The following XKR6 variants were observed in gnomAD, a reference collection of about 807,000 sequenced individuals.
The protein encoded by XKR6 is XK-related protein 6.
A neutral mutation model predicts 56.7 loss-of-function variants in XKR6; 22 were observed. The ratio of observed to expected loss-of-function variants is 0.39; its 90% confidence interval spans 0.28 to 0.55. The LOEUF (loss-of-function observed/expected upper bound fraction) is 0.55, where lower values mean the gene tolerates loss of function less well. Among genes scored for constraint, XKR6 ranks in the 20% least tolerant of loss-of-function variants. The pLI is 0.66. For missense variants in XKR6, 852 were observed against 889.0 expected (o/e 0.96, Z 0.53); for synonymous variants, 524 against 387.8 (o/e 1.35, Z -4.13).
At chr8:11,186,686 A>G (rs1803292963) in intron 1 of XKR6, among the ~76,000 whole-genome samples, 2 of 152,154 alleles carry the variant, frequency 1.3e-5, no homozygotes, top group Admixed American at 1.3e-4. Flanking sequence ...GGCCCAAGCT[A>G]GAGTTTTTAA....
At chr8:10,973,435 C>T (rs1802464503) in intron 1 of XKR6, among the ~76,000 whole-genome samples, 1 of 152,184 alleles carries the variant, frequency 6.6e-6, no homozygotes, top group Non-Finnish European at 1.5e-5. Context: ...TCCGTGTGCA[C>T]CAGCCAGTCT....
chr8:10,994,384 T>C (rs1469282915), intron 1 of XKR6, among the ~76,000 whole-genome samples: 1 of 152,218 alleles, frequency 6.6e-6, no homozygotes, highest in Admixed American at 6.5e-5. Flanking sequence ...ACACCCCCCA[T>C]GCAGCGCTGG....
intron 2 of XKR6, among the ~76,000 whole-genome samples, chr8:10,912,316 A>ATATG (rs1292047570): frequency 1.9e-5 from 1 of 51,866 alleles, no homozygotes; most frequent in Non-Finnish European, 4.0e-5. Flanking sequence ...GTATATATAT[A>ATATG]TATATATATA....
chr8:11,018,350 T>C (rs906549259), intron 1 of XKR6, among the ~76,000 whole-genome samples: 4 of 152,202 alleles, frequency 2.6e-5, no homozygotes, highest in African/African-American at 9.7e-5. Flanking sequence ...GCACAGCTCC[T>C]CACCTGCAGA....
intron 1 of XKR6, among the ~76,000 whole-genome samples, chr8:11,051,997 G>C (rs1297771944): frequency 1.3e-5 from 2 of 152,196 alleles, no homozygotes; most frequent in Non-Finnish European, 2.9e-5. Context: ...TGCACCTGTT[G>C]ATTCGTCCTC....
intron 1 of XKR6, among the ~76,000 whole-genome samples, chr8:11,002,700 G>A (rs541569855): frequency 7.2e-5 from 11 of 152,356 alleles, no homozygotes; most frequent in African/African-American, 1.2e-4. Flanking sequence ...GGGGTGGTGC[G>A]AGTTCAACGG....
At chr8:10,995,843 G>C (rs143886581) in intron 1 of XKR6, among the ~76,000 whole-genome samples, 55 of 152,324 alleles carry the variant, frequency 3.6e-4, no homozygotes, top group Non-Finnish European at 6.9e-4. Context: ...AAATGTGAGA[G>C]GGCAATCCTT....
intron 1 of XKR6, among the ~76,000 whole-genome samples, chr8:11,019,456 G>A (rs1183675117): frequency 6.6e-6 from 1 of 152,262 alleles, no homozygotes; most frequent in African/African-American, 2.4e-5. Flanking sequence ...CTTCAGAGCT[G>A]TGACTGGCTG....
chr8:10,910,255 G>C (rs981921539), intron 2 of XKR6, among the ~76,000 whole-genome samples: 2 of 150,934 alleles, frequency 1.3e-5, no homozygotes, highest in African/African-American at 4.9e-5. Flanking sequence ...TTGAAACTGT[G>C]ATAGGGTATT....
chr8:11,102,877 T>C (rs1330848308), intron 1 of XKR6, among the ~76,000 whole-genome samples: 3 of 152,188 alleles, frequency 2.0e-5, no homozygotes, highest in Non-Finnish European at 2.9e-5. Context: ...ATCACTGCCT[T>C]CTTATTCTTG....
chr8:10,979,670 T>C (rs1797682634), intron 1 of XKR6, among the ~76,000 whole-genome samples: 1 of 152,148 alleles, frequency 6.6e-6, no homozygotes. Flanking sequence ...TGTCTGCAGG[T>C]CCCTTGTGGA....
intron 1 of XKR6, among the ~76,000 whole-genome samples, chr8:10,945,130 G>A (rs376652220): frequency 6.6e-6 from 1 of 152,182 alleles, no homozygotes; most frequent in East Asian, 1.9e-4. Context: ...TTCCCCACCA[G>A]CAAGTAGGGC....
chr8:11,104,410 G>A (rs984234721), intron 1 of XKR6, among the ~76,000 whole-genome samples: 2 of 152,214 alleles, frequency 1.3e-5, no homozygotes, highest in African/African-American at 2.4e-5. Context: ...CCTTGGCACA[G>A]TGATTGGCAC....
chr8:11,178,927 C>T (rs909802080), intron 1 of XKR6, among the ~76,000 whole-genome samples: 2 of 151,346 alleles, frequency 1.3e-5, no homozygotes, highest in Non-Finnish European at 2.9e-5. Context: ...ACTGCAGCCT[C>T]GGTCTCCCAA....
At chr8:10,949,087 G>C (rs1199834103) in intron 1 of XKR6, among the ~76,000 whole-genome samples, 1 of 152,220 alleles carries the variant, frequency 6.6e-6, no homozygotes, top group African/African-American at 2.4e-5. Context: ...TCCACATGCT[G>C]CTGGAAACAC....
intron 1 of XKR6, among the ~76,000 whole-genome samples, chr8:11,197,529 A>C (rs989286236): frequency 6.6e-6 from 1 of 152,240 alleles, no homozygotes; most frequent in African/African-American, 2.4e-5. Context: ...GGAATAAGTG[A>C]TTCACATGCC....
intron 1 of XKR6, among the ~76,000 whole-genome samples, chr8:11,025,755 A>G (rs946103309): frequency 3.3e-5 from 5 of 152,120 alleles, no homozygotes; most frequent in African/African-American, 1.2e-4. Flanking sequence ...TGTGAGCTGG[A>G]TGAGTAATTA....
chr8:11,153,540 G>C (rs757987708), intron 1 of XKR6, among the ~76,000 whole-genome samples: 5 of 151,858 alleles, frequency 3.3e-5, no homozygotes, highest in Non-Finnish European at 7.4e-5. Context: ...TCCTGACATG[G>C]GGATTATAAG....
At chr8:11,183,757 T>C (rs1203492327) in intron 1 of XKR6, among the ~76,000 whole-genome samples, 1 of 152,214 alleles carries the variant, frequency 6.6e-6, no homozygotes, top group Non-Finnish European at 1.5e-5. Context: ...TTAATATTAC[T>C]ATAAGGCCCC....
Sources: allele counts gnomAD v4.1 joint callset (sites outside exome capture counted in the v4.1 genomes callset), GRCh38; gene constraint gnomAD v4.1.1; transcripts MANE v1.5; gene names NCBI Gene and HGNC (gene_info 2026-07-23, HGNC 2026-07-21).